FOXP2: variants seen among roughly 807,000 people sequenced by gnomAD.
FOXP2 encodes forkhead box protein P2.
Under a neutral mutation model 115.8 loss-of-function variants are expected in FOXP2, and 12 were observed. That is an observed-to-expected ratio of 0.10 (90% CI 0.07 to 0.17). FOXP2 has a LOEUF of 0.17. Among genes scored for constraint, FOXP2 ranks in the 10% least tolerant of loss-of-function variants. The pLI is 1.00. For synonymous variants in FOXP2, 328 were observed against 297.7 expected (o/e 1.10, Z -1.05); for missense variants, 629 against 843.5 (o/e 0.75, Z 3.15).
intron 2 of FOXP2, among the ~76,000 whole-genome samples, chr7:114,396,773 G>A (rs1445434721): frequency 1.3e-5 from 2 of 151,888 alleles, no homozygotes; most frequent in South Asian, 2.1e-4. Context: ...ACAACATAGG[G>A]ACTATACATT....
At position 114,689,846 on chromosome 7, in the gene FOXP2, G is replaced by C; in HGVS notation, c.2068G>C (p.Val690Leu). 1 of 1,613,534 alleles carries C rather than the reference G, an allele frequency of 6.2e-7. No individual in the cohort carries two copies. Among genetic ancestry groups the C allele is most frequent in the Non-Finnish European group, 8.5e-7 (1 of 1,179,594 alleles). ...GGATGAAGACTGCCCAATGTCCTTA[G>C]TGACAACAGCTAATCACAGTCCAGA... ...AEDEDCPMSL[V>L]TTANHSPELE... is the part of the protein sequence containing the mutation. Residue 690 changes from valine (V) to leucine (L), a missense_variant, in exon 17 of 17, where the codon GTG becomes CTG. Around this residue, in one of 9 missense-constraint regions of FOXP2, gnomAD observed 117 missense variants for 112.3 expected, o/e 1.04. Transcript: ENST00000350908.
In FOXP2 at chr7:114,629,975, G is replaced by C; in HGVS notation, c.567G>C (p.Gln189His). 1 of 1,608,562 alleles carries C rather than the reference G, an allele frequency of 6.2e-7. No homozygotes were observed. The highest frequency in any genetic ancestry group is 8.5e-7 in the Non-Finnish European group (1 of 1,178,768). ...AGCAGCAGCAACAGCAGCAGCAGCA[G>C]CAACAGCATCCTGGAAAGCAAGCGA... ...QQQQQQQQQQ[Q>H]QQHPGKQAKE... The change falls in exon 5 of 17, where the codon CAG (glutamine) becomes CAC (histidine). Residue 189 changes from glutamine (Q) to histidine (H), a missense_variant. By Grantham distance (24) the Gln-to-His change is conservative. Transcript: ENST00000350908.
At chr7:114,213,960 T>C (rs1794422093) in intron 1 of FOXP2, among the ~76,000 whole-genome samples, 3 of 152,174 alleles carry the variant, frequency 2.0e-5, no homozygotes, top group African/African-American at 7.2e-5. Context: ...TGCTTTTAAA[T>C]CTTCTGAGTT....
At chr7:114,570,858 G>T (rs1801264720) in intron 3 of FOXP2, 1 of 1,611,942 alleles carries the variant, frequency 6.2e-7, no homozygotes, top group Non-Finnish European at 8.5e-7. Flanking sequence ...TTCTGGTGAT[G>T]GGCATCCTCA....
chr7:114,651,708 A>C (rs948300720), intron 8 of FOXP2, among the ~76,000 whole-genome samples: 1 of 152,104 alleles, frequency 6.6e-6, no homozygotes, highest in Non-Finnish European at 1.5e-5. Context: ...ATTCTTCATA[A>C]ATATTGATTT....
At chr7:114,504,300 C>T (rs1417301075) in intron 2 of FOXP2, among the ~76,000 whole-genome samples, 1 of 151,514 alleles carries the variant, frequency 6.6e-6, no homozygotes, top group Non-Finnish European at 1.5e-5. Flanking sequence ...ATTTGCCCTA[C>T]TTACAATGAA....
At chr7:114,524,360 C>T (rs1229851972) in intron 2 of FOXP2, among the ~76,000 whole-genome samples, 1 of 152,150 alleles carries the variant, frequency 6.6e-6, no homozygotes, top group African/African-American at 2.4e-5. Context: ...TTCTAGTTGG[C>T]ATAACTAGCA....
At chr7:114,127,431 A>G (rs1224791696) in intron 1 of FOXP2, among the ~76,000 whole-genome samples, 1 of 152,210 alleles carries the variant, frequency 6.6e-6, no homozygotes, top group Non-Finnish European at 1.5e-5. Flanking sequence ...GTCTACCACA[A>G]TGCCTAAAAT....
rs777382410 is a variant in FOXP2 at position 114,399,233 on chromosome 7, G to A, written c.-10-27269G>A. On this transcript the variant is annotated intron_variant, in intron 2 of 17. Coordinates refer to the FOXP2 transcript ENST00000634411. Reference sequence around the variant, plus strand: ...AGTGATTCTCCTGACTCAGCCTCCCGAGTAGCTGTGATTACAGGCACCTGC... The same window carrying A: ...AGTGATTCTCCTGACTCAGCCTCCCAAGTAGCTGTGATTACAGGCACCTGC... 4.6e-5 allele frequency among the ~76,000 whole-genome samples: 7 copies of A among 150,834 alleles called. No individual in the cohort carries two copies. In the East Asian group the frequency reaches 9.8e-4, roughly 21 times the overall value.
At chr7:114,182,936 C>T (rs1356760988) in intron 1 of FOXP2, among the ~76,000 whole-genome samples, 2 of 151,848 alleles carry the variant, frequency 1.3e-5, no homozygotes, top group Non-Finnish European at 2.9e-5. Flanking sequence ...TATGTTAAAT[C>T]AGAAAAATAA....
intron 3 of FOXP2, among the ~76,000 whole-genome samples, chr7:114,586,612 A>T (rs781748317): frequency 1.3e-5 from 2 of 152,074 alleles, no homozygotes; most frequent in Non-Finnish European, 2.9e-5. Context: ...ACAAATTAAA[A>T]AATTTATTTT....
At chr7:114,603,517 T>C (rs910718040) in intron 3 of FOXP2, among the ~76,000 whole-genome samples, 7 of 152,224 alleles carry the variant, frequency 4.6e-5, no homozygotes, top group South Asian at 2.1e-4. Flanking sequence ...TGATTTCTCA[T>C]TGGAAGAATG....
chr7:114,397,291 A>G (rs1792768056), intron 2 of FOXP2, among the ~76,000 whole-genome samples: 2 of 152,182 alleles, frequency 1.3e-5, no homozygotes, highest in Non-Finnish European at 1.5e-5. Context: ...ATTATTAACC[A>G]TATATCCCAT....
chr7:114,155,922 G>C (rs1392829174), intron 1 of FOXP2, among the ~76,000 whole-genome samples: 1 of 152,090 alleles, frequency 6.6e-6, no homozygotes, highest in Non-Finnish European at 1.5e-5. Flanking sequence ...TCCCTTCTCC[G>C]CTGACTCTTC....
At chr7:114,337,221 G>A (rs1169026188) in intron 2 of FOXP2, among the ~76,000 whole-genome samples, 3 of 151,218 alleles carry the variant, frequency 2.0e-5, no homozygotes, top group Non-Finnish European at 4.5e-5. Flanking sequence ...CATTACCATG[G>A]TTCCTGTCAT....
chr7:114,499,049 C>G (rs947477265), intron 2 of FOXP2: 1 of 609,082 alleles, frequency 1.6e-6, no homozygotes, highest in Non-Finnish European at 3.0e-6. Flanking sequence ...CCTAGACCTA[C>G]TGAATCAGAA....
intron 2 of FOXP2, among the ~76,000 whole-genome samples, chr7:114,290,406 T>G (rs934655010): frequency 6.6e-6 from 1 of 152,024 alleles, no homozygotes; most frequent in Admixed American, 6.6e-5. Context: ...TTTTCAGAGT[T>G]TCCACTGCAA....
chr7:114,425,631 A>G lies in FOXP2; in HGVS notation c.-10-871A>G, dbSNP rs550132142. On this transcript the variant is annotated intron_variant, in intron 1 of 16. Transcript: ENST00000350908. ...ATGCATAATTTATGCTGTTTTTAGC[A>G]CAATCATTAGTGATATTCTTGATAG... 2.0e-5 allele frequency among the ~76,000 whole-genome samples: 3 copies of G among 151,808 alleles called. No homozygotes were observed. The South Asian group carries it at 6.2e-4, about 31-fold the overall frequency.
At chr7:114,245,816 G>T (rs574025927) in intron 1 of FOXP2, among the ~76,000 whole-genome samples, 81 of 151,818 alleles carry the variant, frequency 5.3e-4, no homozygotes, top group Middle Eastern at 6.8e-3. Context: ...CAATTAAAAA[G>T]AACAGAAAAA....
Sources: gnomAD v4.1 joint callset for allele counts (sites outside exome capture counted in the v4.1 genomes callset) on GRCh38, gnomAD v4.1.1 for gene constraint, gnomAD v4.1.1 regional missense constraint, MANE v1.5 for transcripts, NCBI Gene and HGNC (gene_info 2026-07-23, HGNC 2026-07-21) for gene names.